KAT2B: variants seen among roughly 807,000 people sequenced by gnomAD.
The protein encoded by KAT2B is histone acetyltransferase KAT2B.
Under a neutral mutation model 105.9 loss-of-function variants are expected in KAT2B, and 36 were observed. That is an observed-to-expected ratio of 0.34 (90% CI 0.26 to 0.45). KAT2B has a LOEUF of 0.45. Among genes scored for constraint, KAT2B ranks in the 20% least tolerant of loss-of-function variants. The probability of loss-of-function intolerance (pLI) is 1.00; values close to 1 mark genes in which losing one functional copy is unlikely to be tolerated. For synonymous variants in KAT2B, 397 were observed against 377.9 expected (o/e 1.05, Z -0.59); for missense variants, 820 against 1,021.6 (o/e 0.80, Z 2.69).
intron 2 of KAT2B, among the ~76,000 whole-genome samples, chr3:20,077,376 T>C (rs1698437801): frequency 6.6e-6 from 1 of 152,162 alleles, no homozygotes; most frequent in Admixed American, 6.6e-5. Flanking sequence ...AATTCTAGCT[T>C]GGCCCTGCAG....
intron 1 of KAT2B, among the ~76,000 whole-genome samples, chr3:20,047,664 G>A (rs1697838664): frequency 6.7e-6 from 1 of 148,392 alleles, no homozygotes; most frequent in Non-Finnish European, 1.5e-5. Flanking sequence ...CTGGAGTGGA[G>A]TGCAGTGGTG....
chr3:20,140,188 G>A (rs750160998), intron 12 of KAT2B, 33 bp from the exon 13 acceptor site: 1 of 1,370,636 alleles, frequency 7.3e-7, no homozygotes, highest in South Asian at 1.2e-5. Flanking sequence ...TTGGTGTATG[G>A]TGTTCATATG....
intron 8 of KAT2B, 102 bp downstream of exon 8, chr3:20,119,825 A>G (rs1699276828): frequency 7.9e-7 from 1 of 1,266,354 alleles, no homozygotes; most frequent in Non-Finnish European, 1.1e-6. Flanking sequence ...CAGATTGTGC[A>G]TGTCCAGGAT....
rs139562951 is a variant in KAT2B at position 20,085,198 on chromosome 3, T to A, written c.431-10065T>A. On this transcript the variant is annotated intron_variant, in intron 2 of 17. Coordinates refer to ENST00000263754, the MANE Select transcript of KAT2B (RefSeq NM_003884.5). ...GACTCCATCTCTATGTCTATTAATT[T>A]AAAAAAAAAGTTTATAAGACAAAAA... Among the ~76,000 whole-genome samples the A allele has an allele frequency of 5.1e-3, 778 of 152,036 alleles. 23 individuals are homozygous for A. The highest frequency in any genetic ancestry group is 0.045 in the Admixed American group (680 of 15,266).
chr3:20,152,415 A>G lies in KAT2B; in HGVS notation c.2389A>G (p.Thr797Ala), dbSNP rs1260018230. Residue 797 changes from threonine (T) to alanine (A), a missense_variant, in exon 18 of 18, where the codon ACC becomes GCC. Coordinates refer to ENST00000263754, the MANE Select transcript of KAT2B (RefSeq NM_003884.5). ...LFMADLQRVF[T>A]NCKEYNPPES... Reference sequence around the variant, plus strand: ...CATGGCAGACTTACAGCGAGTCTTTACCAATTGCAAAGAGTACAACCCCCC... The same window carrying G: ...CATGGCAGACTTACAGCGAGTCTTTGCCAATTGCAAAGAGTACAACCCCCC... The G allele has an allele frequency of 1.2e-6, 2 of 1,612,688 alleles. No homozygotes were observed. The highest frequency in any genetic ancestry group is 2.7e-5 in the African/African-American group (2 of 74,862).
Position 20,040,462 on chromosome 3 carries a change from C to A in KAT2B, c.-16C>A, listed in dbSNP as rs959988308. 3.7e-6 allele frequency: 4 copies of A among 1,077,414 alleles called. No individual in the cohort carries two copies. Among genetic ancestry groups the A allele is most frequent in the African/African-American group, 3.4e-5 (2 of 59,256 alleles). 66.7% of individuals were successfully genotyped at this position (1,077,414 alleles called of 1,614,324 possible). On this transcript the variant is annotated 5_prime_UTR_variant, in exon 1 of 18. Coordinates refer to ENST00000263754, the MANE Select transcript of KAT2B (RefSeq NM_003884.5). ...GCGCCTGACACTCGGCGCCTCCTGC[C>A]GTGCTCCGGGGCGGCATGTCCGAGG...
intron 1 of KAT2B, among the ~76,000 whole-genome samples, chr3:20,065,713 A>T (rs4241545): frequency 0.17 from 26,537 of 152,092 alleles, 3,033 homozygotes; most frequent in Non-Finnish European, 0.26. Context: ...CCTGCAAAAA[A>T]TACTGAAACA....
At chr3:20,131,092 T>A (rs558226075) in intron 11 of KAT2B, among the ~76,000 whole-genome samples, 61 of 142,928 alleles carry the variant, frequency 4.3e-4, no homozygotes, top group Non-Finnish European at 1.7e-4. Flanking sequence ...CTCGGCTCAC[T>A]GCAAACTCCG....
At position 20,148,266 on chromosome 3, in the gene KAT2B, A is replaced by G; in HGVS notation, c.2180A>G (p.Gln727Arg). Residue 727 changes from glutamine to arginine, a missense_variant, in exon 16 of 18, where the codon CAG (glutamine) becomes CGG (arginine). Coordinates refer to ENST00000263754, the MANE Select transcript of KAT2B (RefSeq NM_003884.5). ...AGTAAAGAGCCCAGAGACCCTGACC[A>G]GCTTTACAGCACGCTCAAGAGCATC... ...EKSKEPRDPDQLYSTLKSILQ... is the reference protein window; with the variant it reads ...EKSKEPRDPDRLYSTLKSILQ... 2 of 1,614,104 alleles carry G rather than the reference A, an allele frequency of 1.2e-6. No homozygotes were observed. Among genetic ancestry groups the G allele is most frequent in the Non-Finnish European group, 1.7e-6 (2 of 1,179,966 alleles).
intron 1 of KAT2B, among the ~76,000 whole-genome samples, chr3:20,058,562 G>C (rs2929398): frequency 3.3e-5 from 5 of 151,802 alleles, no homozygotes; most frequent in Non-Finnish European, 7.4e-5. Context: ...ATCCCAGGCA[G>C]TTTTGTTCTC....
At chr3:20,110,371 T>TAA (rs149128893) in intron 5 of KAT2B, among the ~76,000 whole-genome samples, 3 of 147,256 alleles carry the variant, frequency 2.0e-5, no homozygotes, top group African/African-American at 7.5e-5. Context: ...TTCTGGGAGA[T>TAA]AAAAAAAAAA....
At chr3:20,064,532 T>C (rs1398769090) in intron 1 of KAT2B, among the ~76,000 whole-genome samples, 2 of 152,150 alleles carry the variant, frequency 1.3e-5, no homozygotes, top group Non-Finnish European at 2.9e-5. Flanking sequence ...TATGACTTTG[T>C]CCAGCATGGA....
In KAT2B at chr3:20,119,735, A is replaced by G. The variant is rs781238082; in HGVS notation, c.1276+12A>G. 6.2e-7 allele frequency: 1 copy of G among 1,613,600 alleles called. No homozygotes were observed. Among genetic ancestry groups the G allele is most frequent in the Non-Finnish European group, 8.5e-7 (1 of 1,179,698 alleles). ...TGAGGCAAACCCAGGTAAGCTCTTA[A>G]GAGGGGATAAGAGAGGGCTGTGACT... On this transcript the variant is annotated intron_variant, in intron 8 of 17. Coordinates refer to ENST00000263754, the MANE Select transcript of KAT2B (RefSeq NM_003884.5).
intron 1 of KAT2B, among the ~76,000 whole-genome samples, chr3:20,062,509 T>A (rs921702147): frequency 2.0e-5 from 3 of 146,440 alleles, no homozygotes; most frequent in Non-Finnish European, 4.5e-5. Context: ...TCACCCAGGC[T>A]GGAGTGCAGT....
intron 11 of KAT2B, among the ~76,000 whole-genome samples, chr3:20,130,116 T>C (rs1194125673): frequency 6.6e-6 from 1 of 152,214 alleles, no homozygotes; most frequent in Admixed American, 6.5e-5. Context: ...TAGCCGGGAT[T>C]ACAGGCGTGA....
At chr3:20,054,061 G>C (rs755429982) in intron 1 of KAT2B, among the ~76,000 whole-genome samples, 1 of 151,972 alleles carries the variant, frequency 6.6e-6, no homozygotes. Context: ...GCCTCCCAAA[G>C]TGCTGGGATT....
intron 7 of KAT2B, among the ~76,000 whole-genome samples, chr3:20,115,944 A>T (rs1229286375): frequency 6.6e-6 from 1 of 152,226 alleles, no homozygotes; most frequent in African/African-American, 2.4e-5. Context: ...AAAGGTTTTC[A>T]TCTGAACCTC....
At chr3:20,114,794 G>T (rs1699177455) in intron 6 of KAT2B, 88 bp from the exon 7 acceptor site, 3 of 701,134 alleles carry the variant, frequency 4.3e-6, no homozygotes, top group East Asian at 5.1e-5. Context: ...TTGAGACGCT[G>T]ATGTTAAGGT....
chr3:20,095,235 A>C, intron 2 of KAT2B, 28 bp from the exon 3 acceptor site: 1 of 1,595,318 alleles, frequency 6.3e-7, no homozygotes, highest in Non-Finnish European at 8.6e-7. Context: ...TTGAGGTCTT[A>C]CATATGTTTC....
Sources: allele counts gnomAD v4.1 joint callset (sites outside exome capture counted in the v4.1 genomes callset), GRCh38; gene constraint gnomAD v4.1.1; transcripts MANE v1.5; gene names NCBI Gene and HGNC (gene_info 2026-07-23, HGNC 2026-07-21).